Variants in FA2H observed in about 807,000 individuals in gnomAD.
The protein encoded by FA2H is fatty acid 2-hydroxylase.
A neutral mutation model predicts 44.9 loss-of-function variants in FA2H; 22 were observed. The ratio of observed to expected loss-of-function variants is 0.49; its 90% CI spans 0.35 to 0.70. The LOEUF is 0.70. FA2H is among the 30% of genes least tolerant of loss of function. The pLI, the probability that FA2H is intolerant of heterozygous loss-of-function variation, is 0.01. For synonymous variants in FA2H, 243 were observed against 213.2 expected (o/e 1.14, Z -1.22); for missense variants, 501 against 504.9 (o/e 0.99, Z 0.07).
intron 4 of FA2H, among the ~76,000 whole-genome samples, chr16:74,721,198 G>C (rs559099850): frequency 6.6e-6 from 1 of 151,450 alleles, no homozygotes; most frequent in African/African-American, 2.4e-5. Context: ...GCAGAGTTTC[G>C]CTCTTGTCAC....
At chr16:74,742,801 A>G (rs1324744769) in intron 1 of FA2H, among the ~76,000 whole-genome samples, 1 of 152,198 alleles carries the variant, frequency 6.6e-6, no homozygotes, top group Non-Finnish European at 1.5e-5. Context: ...ATTGTGCCAC[A>G]GCACTCCAGC....
chr16:74,724,292 C>T (rs1321916048), intron 4 of FA2H, among the ~76,000 whole-genome samples: 1 of 152,190 alleles, frequency 6.6e-6, no homozygotes, highest in East Asian at 1.9e-4. Flanking sequence ...GCCCCGCACA[C>T]CACCCCACTG....
chr16:74,766,862 G>A (rs940440526), intron 1 of FA2H, among the ~76,000 whole-genome samples: 3 of 152,196 alleles, frequency 2.0e-5, no homozygotes, highest in Non-Finnish European at 4.4e-5. Flanking sequence ...AAACATGAGG[G>A]ATTCACAAAA....
intron 4 of FA2H, among the ~76,000 whole-genome samples, chr16:74,720,990 G>C (rs141813885): frequency 1.9e-4 from 29 of 152,330 alleles, no homozygotes; most frequent in Non-Finnish European, 3.4e-4. Context: ...GCTGTTTGTA[G>C]CTCTTGGCTA....
chr16:74,744,627 T>C (rs1399698576), intron 1 of FA2H, among the ~76,000 whole-genome samples: 3 of 152,018 alleles, frequency 2.0e-5, no homozygotes, highest in Non-Finnish European at 4.4e-5. Context: ...AATTTTTAAT[T>C]TTTTTGTAGA....
chr16:74,737,763 G>A (rs1042917056), intron 2 of FA2H, among the ~76,000 whole-genome samples: 2 of 132,412 alleles, frequency 1.5e-5, no homozygotes, highest in African/African-American at 5.8e-5. Context: ...CCCACCCCAG[G>A]CCTGGGGACC....
intron 1 of FA2H, among the ~76,000 whole-genome samples, chr16:74,747,757 C>T (rs1179684014): frequency 6.6e-6 from 1 of 152,136 alleles, no homozygotes; most frequent in Non-Finnish European, 1.5e-5. Context: ...CCAACCCTGC[C>T]AACACCTTGC....
intron 2 of FA2H, among the ~76,000 whole-genome samples, chr16:74,739,336 G>A (rs1006942167): frequency 1.3e-5 from 2 of 152,176 alleles, no homozygotes; most frequent in South Asian, 4.2e-4. Context: ...ACCAAGCCCA[G>A]CTCCCTCCAG....
chr16:74,766,755 G>A (rs1962816291), intron 1 of FA2H, among the ~76,000 whole-genome samples: 1 of 152,134 alleles, frequency 6.6e-6, no homozygotes, highest in South Asian at 2.1e-4. Flanking sequence ...AGTAGCCAAT[G>A]GAAACGATTA....
At chr16:74,773,893 T>C (rs756602472) in intron 1 of FA2H, among the ~76,000 whole-genome samples, 11 of 152,028 alleles carry the variant, frequency 7.2e-5, no homozygotes, top group Non-Finnish European at 1.6e-4. Flanking sequence ...AGCCAGCGTG[T>C]AGGACAAGAA....
chr16:74,741,806 ATATGTG>A lies in FA2H; in HGVS notation c.271-1697_271-1692del, dbSNP rs1189338244. Among the ~76,000 whole-genome samples the A allele has an allele frequency of 1.8e-4, 11 of 60,756 alleles. No individual in the cohort carries two copies. The East Asian group carries it at 2.8e-3, about 15-fold the overall frequency. The allele number at this position is 60,756 out of a possible 152,430, so 39.9% of individuals were successfully genotyped here. ...TATATATATATATATATATATATAT[ATATGTG>A]TGTGTGTGTGTGTGTGTGTGTGTGT... is the stretch of plus-strand genomic sequence containing the variant. On this transcript the variant is annotated intron_variant, in intron 1 of 6. Coordinates refer to ENST00000219368, the MANE Select transcript of FA2H (RefSeq NM_024306.5).
Position 74,716,592 on chromosome 16 carries a change from A to C in FA2H, c.794T>G (p.Phe265Cys), listed in dbSNP as rs149133141. Residue 265 changes from phenylalanine (F) to cysteine (C), a missense_variant, in exon 6 of 7, where the codon TTC becomes TGC. By Grantham distance (205) the Phe-to-Cys change is radical. Coordinates refer to ENST00000219368, the MANE Select transcript of FA2H (RefSeq NM_024306.5). The part of the protein sequence containing the change: ...VMHGQHHKAP[F>C]DGSRLVFPPV... ...GGGGAAGACCAGGCGGGAGCCGTCG[A>C]AGGGTGCCTGCAGATGGAGAGGCTT... 39 of 1,561,580 alleles carry C rather than the reference A, an allele frequency of 2.5e-5. No homozygotes were observed. The East Asian group carries it at 6.9e-4, about 28-fold the overall frequency.
At chr16:74,739,850 C>A (rs1381559824) in intron 2 of FA2H, among the ~76,000 whole-genome samples, 173 bp downstream of exon 2, 1 of 152,186 alleles carries the variant, frequency 6.6e-6, no homozygotes, top group Non-Finnish European at 1.5e-5. Context: ...CACACCCCTG[C>A]CGGAGTTTGC....
intron 2 of FA2H, among the ~76,000 whole-genome samples, chr16:74,737,700 G>A (rs2144630842): frequency 6.6e-6 from 1 of 152,322 alleles, no homozygotes. Context: ...TGGAGGTAAA[G>A]CCAGAAGAGT....
chr16:74,740,378 A>G (rs1962268429), intron 1 of FA2H, among the ~76,000 whole-genome samples: 1 of 152,012 alleles, frequency 6.6e-6, no homozygotes, highest in African/African-American at 2.4e-5. Context: ...GCACTTTGGG[A>G]GGTCAAGATG....
chr16:74,764,498 A>G (rs1475139791), intron 1 of FA2H, among the ~76,000 whole-genome samples: 1 of 152,234 alleles, frequency 6.6e-6, no homozygotes. Context: ...GTTCTCACTT[A>G]TAAGTGGGAG....
intron 2 of FA2H, among the ~76,000 whole-genome samples, chr16:74,735,479 G>C (rs1026206555): frequency 6.6e-6 from 1 of 152,228 alleles, no homozygotes; most frequent in Non-Finnish European, 1.5e-5. Flanking sequence ...TTCAGGCAGC[G>C]GAGAGTGGAT....
At chr16:74,728,249 C>A (rs1293556937) in intron 2 of FA2H, among the ~76,000 whole-genome samples, 1 of 152,186 alleles carries the variant, frequency 6.6e-6, no homozygotes, top group Admixed American at 6.6e-5. Flanking sequence ...TAGTTCGAGA[C>A]TCCGTCTCTT....
At chr16:74,746,115 G>A (rs1003894097) in intron 1 of FA2H, among the ~76,000 whole-genome samples, 2 of 151,808 alleles carry the variant, frequency 1.3e-5, no homozygotes, top group African/African-American at 2.4e-5. Context: ...CTGCATCTTC[G>A]TATCAAGGAG....
Sources: allele counts gnomAD v4.1 joint callset (sites outside exome capture counted in the v4.1 genomes callset), GRCh38; gene constraint gnomAD v4.1.1; transcripts MANE v1.5; gene names NCBI Gene and HGNC (gene_info 2026-07-23, HGNC 2026-07-21).